Variants in NFIB observed in about 807,000 individuals in gnomAD.
NFIB encodes nuclear factor 1 B-type.
NFIB carries 11 observed loss-of-function variants against 61.5 expected under a neutral mutation model. The ratio of observed to expected loss-of-function variants is 0.18; its 90% confidence interval spans 0.11 to 0.30. The LOEUF is 0.30. NFIB is among the 10% of genes least tolerant of loss of function. NFIB has a pLI of 1.00. For missense variants in NFIB, 471 were observed against 608.9 expected, an observed-to-expected ratio of 0.77 and a Z score of 2.38; for synonymous variants, 260 against 216.5, an observed-to-expected ratio of 1.20 and a Z score of -1.76.
the NFIB span, among the ~76,000 whole-genome samples, chr9:14,446,359 T>C: frequency 6.6e-6 from 1 of 152,226 alleles, no homozygotes. Flanking sequence ...CTTATCCTTC[T>C]GGGATTCCAG....
At chr9:14,360,604 G>A (rs1266404598) in intron 1 of NFIB, among the ~76,000 whole-genome samples, 5 of 151,246 alleles carry the variant, frequency 3.3e-5, no homozygotes, top group African/African-American at 7.3e-5. Context: ...GAGTGCAGTG[G>A]CGCGATCTCG....
At position 14,089,742 on chromosome 9, in the gene NFIB, T is replaced by C. The variant is rs769487806; in HGVS notation, c.1468-1416A>G. On this transcript the variant is annotated intron_variant, in intron 10 of 10. Coordinates refer to ENST00000380953, the MANE Select transcript of NFIB (RefSeq NM_001190737.2). ...ATTGTTGTAGCTATCAATCTAGATATGCTCATTTGTTCATATTTGAATTCC... is the reference window on the plus strand; with the variant it reads ...ATTGTTGTAGCTATCAATCTAGATACGCTCATTTGTTCATATTTGAATTCC... Among the ~76,000 whole-genome samples the C allele has an allele frequency of 1.6e-4, 24 of 152,300 alleles. No homozygotes were observed. In the East Asian group the frequency reaches 4.2e-3, roughly 27 times the overall value.
chr9:14,505,081 G>C, the NFIB span, among the ~76,000 whole-genome samples: 4 of 152,302 alleles, frequency 2.6e-5, no homozygotes, highest in East Asian at 7.7e-4. Flanking sequence ...TGCATCTATT[G>C]AGGTGATCAC....
chr9:14,161,595 G>C (rs1008222192), intron 3 of NFIB, among the ~76,000 whole-genome samples: 6 of 151,626 alleles, frequency 4.0e-5, no homozygotes, highest in Non-Finnish European at 8.8e-5. Flanking sequence ...TGTCCTTTTA[G>C]ATAAAGTTTT....
At chr9:14,318,465 T>G (rs2060589917), upstream of NFIB, among the ~76,000 whole-genome samples, 1 of 150,936 alleles carries the variant, frequency 6.6e-6, no homozygotes. Context: ...AAAGATTTCT[T>G]GGAACTTAAC....
At chr9:14,107,297 TCA>T (rs1345144015) in intron 10 of NFIB, among the ~76,000 whole-genome samples, 2 of 150,994 alleles carry the variant, frequency 1.3e-5, no homozygotes, top group Admixed American at 1.3e-4. Flanking sequence ...GTTGTATGTT[TCA>T]CATACAACAC....
chr9:14,210,702 G>A (rs1272048674), intron 2 of NFIB, among the ~76,000 whole-genome samples: 1 of 151,970 alleles, frequency 6.6e-6, no homozygotes, highest in African/African-American at 2.4e-5. Flanking sequence ...AAGCAGAAGA[G>A]ATGATTACTA....
intron 2 of NFIB, among the ~76,000 whole-genome samples, chr9:14,282,825 A>T (rs955220352): frequency 5.9e-5 from 9 of 152,194 alleles, no homozygotes; most frequent in African/African-American, 2.2e-4. Flanking sequence ...ACCTGGGTTC[A>T]AATACTTGTT....
intron 1 of NFIB, among the ~76,000 whole-genome samples, chr9:14,328,494 A>G (rs1406606437): frequency 6.6e-6 from 1 of 151,460 alleles, no homozygotes; most frequent in Non-Finnish European, 1.5e-5. Flanking sequence ...ATTATCTTTA[A>G]TTTTTTTTGG....
chr9:14,145,460 A>G (rs777506649), intron 6 of NFIB, among the ~76,000 whole-genome samples: 5 of 151,996 alleles, frequency 3.3e-5, no homozygotes, highest in African/African-American at 1.2e-4. Flanking sequence ...ACTATTCTTT[A>G]AACTCCATGG....
At chr9:14,319,575 A>C (rs1161972523) in intron 1 of NFIB, among the ~76,000 whole-genome samples, 1 of 152,214 alleles carries the variant, frequency 6.6e-6, no homozygotes, top group Non-Finnish European at 1.5e-5. Flanking sequence ...CTATAAAGTA[A>C]AACTATATGA....
intron 2 of NFIB, among the ~76,000 whole-genome samples, chr9:14,266,999 A>G (rs1363321774): frequency 6.6e-6 from 1 of 152,230 alleles, no homozygotes. Context: ...GGGAAAACAG[A>G]CAAATGAAAA....
intron 2 of NFIB, among the ~76,000 whole-genome samples, chr9:14,302,596 T>G (rs939044171): frequency 2.0e-5 from 3 of 152,178 alleles, no homozygotes; most frequent in African/African-American, 7.2e-5. Context: ...AAAAATCAGT[T>G]AGGGTGACTC....
chr9:14,112,618 C>A (rs2037540466), intron 10 of NFIB, among the ~76,000 whole-genome samples: 2 of 152,128 alleles, frequency 1.3e-5, no homozygotes, highest in African/African-American at 4.8e-5. Context: ...AGAAATCACT[C>A]AAAAACTCGA....
At chr9:14,315,284 C>A (rs1428218737), upstream of NFIB, among the ~76,000 whole-genome samples, 1 of 151,250 alleles carries the variant, frequency 6.6e-6, no homozygotes, top group Non-Finnish European at 1.5e-5. Context: ...GGCGCTTCGC[C>A]GCGGTTTGCC....
intron 6 of NFIB, 90 bp downstream of exon 6, chr9:14,146,599 G>T: frequency 6.5e-7 from 1 of 1,546,444 alleles, no homozygotes; most frequent in Non-Finnish European, 8.9e-7. Flanking sequence ...AATCCATATT[G>T]GTTTAATTAT....
At chr9:14,146,860 C>T (rs953760188) in intron 5 of NFIB, 53 bp from the exon 6 acceptor site, 13 of 1,581,868 alleles carry the variant, frequency 8.2e-6, no homozygotes, top group Middle Eastern at 1.7e-4. Context: ...AAGATGTGTA[C>T]ATTTTAAAGT....
intron 6 of NFIB, among the ~76,000 whole-genome samples, chr9:14,135,022 CATAGAA>C (rs2040879301): frequency 6.6e-6 from 1 of 151,240 alleles, no homozygotes; most frequent in South Asian, 2.1e-4. Context: ...AAAATACATT[CATAGAA>C]ATAGAACGCA....
At chr9:14,374,066 A>G (rs1278280464) in intron 1 of NFIB, among the ~76,000 whole-genome samples, 1 of 152,178 alleles carries the variant, frequency 6.6e-6, no homozygotes, top group Non-Finnish European at 1.5e-5. Context: ...AGCCCTGTTC[A>G]ACTTCGAATG....
Sources: allele counts gnomAD v4.1 joint callset (sites outside exome capture counted in the v4.1 genomes callset), GRCh38; gene constraint gnomAD v4.1.1; transcripts MANE v1.5; gene names NCBI Gene and HGNC (gene_info 2026-07-23, HGNC 2026-07-21).